The following EPRS1 variants were observed in gnomAD, a reference collection of about 807,000 sequenced individuals.
EPRS1 encodes glutamyl-prolyl-tRNA synthetase 1, also known as bifunctional glutamate/proline--tRNA ligase.
A neutral mutation model predicts 188.3 loss-of-function variants in EPRS1; 107 were observed. That is an observed-to-expected ratio of 0.57 (90% CI 0.49 to 0.67). The LOEUF is 0.67. Ranked by LOEUF, EPRS1 falls within the 30% of genes least tolerant of loss-of-function variation. The pLI, the probability that EPRS1 is intolerant of heterozygous loss-of-function variation, is 0.00. For synonymous variants in EPRS1, 596 were observed against 593.1 expected (o/e 1.00, Z -0.07); for missense variants, 1,577 against 1,802.2 (o/e 0.88, Z 2.26).
chr1:220,038,233 C>A (rs1662224619), intron 2 of EPRS1, among the ~76,000 whole-genome samples: 1 of 151,834 alleles, frequency 6.6e-6, no homozygotes, highest in Admixed American at 6.6e-5. Context: ...CAGGCATGCA[C>A]AACCATGCCC....
chr1:220,040,421 T>C (rs1558063562), intron 1 of EPRS1, 152 bp from the exon 2 acceptor site: 5 of 542,804 alleles, frequency 9.2e-6, no homozygotes, highest in Non-Finnish European at 1.3e-5. Flanking sequence ...GAAAATGTAG[T>C]CTTTTGTCTC....
chr1:219,971,720 C>A (rs1481146111), intron 30 of EPRS1, among the ~76,000 whole-genome samples: 1 of 146,258 alleles, frequency 6.8e-6, no homozygotes, highest in Non-Finnish European at 1.5e-5. Context: ...AATCAGTTCA[C>A]AAGTATTACC....
intron 6 of EPRS1, among the ~76,000 whole-genome samples, chr1:220,025,491 C>T (rs1661954625): frequency 6.6e-6 from 1 of 151,680 alleles, no homozygotes; most frequent in Non-Finnish European, 1.5e-5. Flanking sequence ...AATGTAAAAT[C>T]TCACAGAGGG....
In EPRS1 at chr1:219,993,472, A is replaced by G. The variant is rs1033776916; in HGVS notation, c.2541+3511T>C. Among the ~76,000 whole-genome samples the G allele has an allele frequency of 1.6e-4, 24 of 152,290 alleles. No individual in the cohort carries two copies. In the South Asian group the frequency reaches 4.8e-3, roughly 30 times the overall value. ...GCTTATACTTTGCCTTTACACTTAAAAGTTCTTTCATAGAAGCATCTATCT... is the reference window on the plus strand; with the variant it reads ...GCTTATACTTTGCCTTTACACTTAAGAGTTCTTTCATAGAAGCATCTATCT... On this transcript the variant is annotated intron_variant, in intron 18 of 31. Transcript: ENST00000366923.
chr1:220,019,664 CAG>C (rs1287350120), intron 10 of EPRS1, among the ~76,000 whole-genome samples: 1 of 152,142 alleles, frequency 6.6e-6, no homozygotes, highest in African/African-American at 2.4e-5. Flanking sequence ...TCAGCCTCAG[CAG>C]AGAGTAGAGA....
At chr1:219,986,244 A>C (rs1661003808) in intron 20 of EPRS1, among the ~76,000 whole-genome samples, 1 of 152,248 alleles carries the variant, frequency 6.6e-6, no homozygotes. Context: ...GGAAACAGAT[A>C]AAAAATTACA....
At chr1:220,008,260 G>T (rs746882840) in intron 13 of EPRS1, among the ~76,000 whole-genome samples, 4 of 151,962 alleles carry the variant, frequency 2.6e-5, no homozygotes, top group Non-Finnish European at 5.9e-5. Context: ...TCAGATTTTA[G>T]AAGACAAACT....
chr1:219,992,024 A>G (rs750784297), intron 18 of EPRS1, among the ~76,000 whole-genome samples: 9 of 152,194 alleles, frequency 5.9e-5, no homozygotes, highest in Non-Finnish European at 1.3e-4. Flanking sequence ...TACAAACAAC[A>G]TCAAGAAAAA....
At chr1:219,988,440 CAA>C (rs1553250913) in intron 19 of EPRS1, 148 bp downstream of exon 19, 1 of 610,310 alleles carries the variant, frequency 1.6e-6, no homozygotes, top group Non-Finnish European at 2.9e-6. Context: ...AAACAATCAA[CAA>C]AGTTTCTCTA....
chr1:219,994,857 T>C (rs1277065264), intron 18 of EPRS1, among the ~76,000 whole-genome samples: 3 of 152,080 alleles, frequency 2.0e-5, no homozygotes, highest in Non-Finnish European at 4.4e-5. Flanking sequence ...TTTCACTGTG[T>C]TAGCAAGGAT....
At chr1:220,039,458 C>T (rs1571700483) in intron 2 of EPRS1, among the ~76,000 whole-genome samples, 1 of 151,850 alleles carries the variant, frequency 6.6e-6, no homozygotes, top group Non-Finnish European at 1.5e-5. Flanking sequence ...GAAAAGTATA[C>T]TTCTTTCTAG....
chr1:219,993,438 C>T (rs1394677072), intron 18 of EPRS1, among the ~76,000 whole-genome samples: 1 of 152,040 alleles, frequency 6.6e-6, no homozygotes, highest in Non-Finnish European at 1.5e-5. Flanking sequence ...ATTACTTGCC[C>T]GTCTTTTTGC....
chr1:220,042,501 A>G (rs1662316285), intron 1 of EPRS1, among the ~76,000 whole-genome samples: 1 of 151,700 alleles, frequency 6.6e-6, no homozygotes, highest in Admixed American at 6.6e-5. Context: ...AAAAAAAAAG[A>G]AAAAAGAAAG....
intron 23 of EPRS1, among the ~76,000 whole-genome samples, chr1:219,981,916 G>C (rs115861038): frequency 0.011 from 1,719 of 152,300 alleles, 34 homozygotes; most frequent in African/African-American, 0.038. Context: ...GAATCCAGCA[G>C]TTATGTATGA....
At position 220,022,466 on chromosome 1, in the gene EPRS1, A is replaced by G. The variant is rs1164050604; in HGVS notation, c.996T>C (p.Phe332=). 6.2e-7 allele frequency: 1 copy of G among 1,614,034 alleles called. No individual in the cohort carries two copies. The highest frequency in any genetic ancestry group is 1.1e-5 in the South Asian group (1 of 91,032). ...TTGCTCGCAAACAACAGGACTGACCAAACTGGCTCCCTTTTTTCATTTCTT... is the reference window on the plus strand; with the variant it reads ...TTGCTCGCAAACAACAGGACTGACCGAACTGGCTCCCTTTTTTCATTTCTT... ...MWEEMKKGSQ[F]GQSCCLRAKI... The change falls in exon 9 of 32, where the codon TTT becomes TTC. Residue 332 remains phenylalanine (F), a synonymous_variant. Transcript: ENST00000366923.
Position 220,020,043 on chromosome 1 carries a change from C to A in EPRS1, c.1294G>T (p.Val432Leu). Residue 432 changes from valine to leucine, a missense_variant, in exon 10 of 32, where the codon GTG becomes TTG. Val to Leu is a conservative substitution (Grantham distance 32, BLOSUM62 1). This residue lies in a region of EPRS1 where 1,278 missense variants were observed against 1,457.4 expected (regional missense o/e 0.88). Transcript: ENST00000366923. ...CATGTGAGTTTTCTTTTGGATAGCA[C>A]TGTGTTGTTGAGATTTAGCCGACTA... is the stretch of plus-strand genomic sequence containing the variant. ...EYSRLNLNNT[V>L]LSKRKLTWFV... The A allele has an allele frequency of 1.2e-6, 2 of 1,614,058 alleles. No individual in the cohort carries two copies. The highest frequency in any genetic ancestry group is 1.7e-6 in the Non-Finnish European group (2 of 1,179,974).
chr1:219,969,281 G>T, intron 30 of EPRS1, 159 bp from the exon 31 acceptor site: 1 of 615,844 alleles, frequency 1.6e-6, no homozygotes, highest in African/African-American at 1.8e-5. Flanking sequence ...TAGGAACTTT[G>T]CTCAGTTATA....
chr1:220,025,645 T>G (rs1661957025), intron 6 of EPRS1, among the ~76,000 whole-genome samples: 1 of 152,192 alleles, frequency 6.6e-6, no homozygotes, highest in Non-Finnish European at 1.5e-5. Flanking sequence ...TAAGACCTAC[T>G]ACTACTGAGA....
At chr1:220,039,445 A>C (rs1277930145) in intron 2 of EPRS1, among the ~76,000 whole-genome samples, 7 of 152,214 alleles carry the variant, frequency 4.6e-5, no homozygotes. Flanking sequence ...CTTTTAGAAT[A>C]AAGAAAAGTA....
Sources: gnomAD v4.1 joint callset for allele counts (sites outside exome capture counted in the v4.1 genomes callset) on GRCh38, gnomAD v4.1.1 for gene constraint, gnomAD v4.1.1 regional missense constraint, MANE v1.5 for transcripts, NCBI Gene and HGNC (gene_info 2026-07-23, HGNC 2026-07-21) for gene names.